Variants in TMEM126B observed in about 807,000 individuals in gnomAD.
TMEM126B encodes the protein transmembrane protein 126B, also known as complex I assembly factor TMEM126B, mitochondrial.
TMEM126B carries 19 observed loss-of-function variants against 16.5 expected under a neutral mutation model. The ratio of observed to expected loss-of-function variants is 1.15; its 90% CI spans 0.80 to 1.69. The LOEUF (loss-of-function observed/expected upper bound fraction) is 1.69. Among genes scored for constraint, TMEM126B ranks in the 40% most tolerant of loss-of-function variants. TMEM126B has a pLI of 0.00. For missense variants in TMEM126B, 293 were observed against 278.7 expected, an observed-to-expected ratio of 1.05 and a Z score of -0.37; for synonymous variants, 104 against 93.2, an observed-to-expected ratio of 1.12 and a Z score of -0.67.
chr11:85,636,102 T>C lies in TMEM126B; in HGVS notation c.566T>C (p.Leu189Pro), dbSNP rs1369382038. ...AGGGTTTTAATCCATTGGATGACGC[T>C]TTGTCAAACACAAATGAAATTAATG... ...KGRVLIHWMT[L>P]CQTQMKLMAI... is the part of the protein sequence containing the mutation. Residue 189 changes from leucine (L) to proline (P), a missense_variant, in exon 5 of 5, where the codon CTT (leucine) becomes CCT (proline). Leu to Pro is a moderately conservative substitution (Grantham distance 98, BLOSUM62 -3). Coordinates refer to ENST00000358867, the MANE Select transcript of TMEM126B (RefSeq NM_018480.7). 1 of 1,610,786 alleles carries C rather than the reference T, an allele frequency of 6.2e-7. No individual in the cohort carries two copies. The highest frequency in any genetic ancestry group is 8.5e-7 in the Non-Finnish European group (1 of 1,179,162).
In TMEM126B at chr11:85,636,376, C is replaced by G; in HGVS notation, c.*147C>G. 1 of 467,612 alleles carries G rather than the reference C, an allele frequency of 2.1e-6. No individual in the cohort carries two copies. The highest frequency in any genetic ancestry group is 3.6e-6 in the Non-Finnish European group (1 of 276,828). The allele number at this position is 467,612 out of a possible 1,614,324, so 29.0% of individuals were successfully genotyped here. A position where few individuals can be genotyped will look rare whatever the true frequency, so the allele number is the denominator to read the frequency against. On this transcript the variant is annotated 3_prime_UTR_variant, in exon 5 of 5. Transcript: ENST00000358867. ...ATATAGCAAATACTCAAAAAGTATT[C>G]AATAATTCAATCAATAAATATAAGT... is the stretch of plus-strand genomic sequence containing the variant.
At chr11:85,632,969 C>T (rs1235111940) in intron 2 of TMEM126B, among the ~76,000 whole-genome samples, 1 of 152,062 alleles carries the variant, frequency 6.6e-6, no homozygotes, top group Non-Finnish European at 1.5e-5. Flanking sequence ...CACCCCACAA[C>T]AGTCCCCAGA....
chr11:85,634,200 A>T lies in TMEM126B; in HGVS notation c.318A>T (p.Thr106=). Reference sequence around the variant, plus strand: ...AGGTTAAACATGATGCTTTGAAGACATATGCATCATTGGCTACACTTCCAT... The same window carrying T: ...AGGTTAAACATGATGCTTTGAAGACTTATGCATCATTGGCTACACTTCCAT... The part of the protein sequence containing the change: ...CFKVKHDALK[T]YASLATLPFL... Residue 106 remains threonine (T), a synonymous_variant, in exon 3 of 5, where the codon ACA becomes ACT. Transcript: ENST00000358867. 6.2e-7 allele frequency: 1 copy of T among 1,613,404 alleles called. No individual in the cohort carries two copies. Among genetic ancestry groups the T allele is most frequent in the South Asian group, 1.1e-5 (1 of 91,062 alleles).
intron 4 of TMEM126B, 133 bp downstream of exon 4, chr11:85,635,911 T>C (rs954090434): frequency 8.8e-7 from 1 of 1,132,258 alleles, no homozygotes; most frequent in African/African-American, 1.6e-5. Flanking sequence ...GTTTGGTATT[T>C]CAGATAGCTA....
chr11:85,633,387 C>A (rs987974446), intron 2 of TMEM126B, among the ~76,000 whole-genome samples: 3 of 152,206 alleles, frequency 2.0e-5, no homozygotes, highest in African/African-American at 7.2e-5. Context: ...CACTGACTTC[C>A]ACAATGGTTG....
intron 2 of TMEM126B, among the ~76,000 whole-genome samples, chr11:85,632,623 C>T (rs970893401): frequency 2.7e-5 from 4 of 146,186 alleles, no homozygotes; most frequent in African/African-American, 1.1e-4. Flanking sequence ...TATTTTATTT[C>T]ATTTTCTGTT....
In TMEM126B at chr11:85,630,862, G is replaced by A. The variant is rs777312893; in HGVS notation, c.82-825G>A. Among the ~76,000 whole-genome samples, 95 of 152,298 alleles carry A rather than the reference G, an allele frequency of 6.2e-4. 2 individuals are homozygous for A. The highest frequency in any genetic ancestry group is 9.3e-4 in the Non-Finnish European group (63 of 68,036). On this transcript the variant is annotated intron_variant, in intron 1 of 4. Transcript: ENST00000358867. ...GTGGATCACCTGAGGTCAGGAGTTCGAGACCAGCCTGGCTATCATAGTGCA... is the reference window on the plus strand; with the variant it reads ...GTGGATCACCTGAGGTCAGGAGTTCAAGACCAGCCTGGCTATCATAGTGCA...
rs867329881 is a variant in TMEM126B at position 85,631,229 on chromosome 11, C to T, written c.82-458C>T. Reference sequence around the variant, plus strand: ...TGTCAATAAGCAGCCACTGTTTCCACCTCCCCACCTGAAGAGCTAGGAGGA... The same window carrying T: ...TGTCAATAAGCAGCCACTGTTTCCATCTCCCCACCTGAAGAGCTAGGAGGA... On this transcript the variant is annotated intron_variant, in intron 1 of 4. Transcript: ENST00000358867. 3.1e-6 allele frequency: 4 copies of T among 1,289,366 alleles called. No individual in the cohort carries two copies. The African/African-American group carries it at 6.0e-5, about 19-fold the overall frequency. 79.9% of individuals were successfully genotyped at this position (1,289,366 alleles called of 1,614,324 possible). A position where few individuals can be genotyped will look rare whatever the true frequency, so the allele number is the denominator to read the frequency against.
At position 85,628,641 on chromosome 11, in the gene TMEM126B, C is replaced by T. The variant is rs2153300533; in HGVS notation, c.34C>T (p.Pro12Ser). 1 of 1,536,150 alleles carries T rather than the reference C, an allele frequency of 6.5e-7. No homozygotes were observed. Among genetic ancestry groups the T allele is most frequent in the African/African-American group, 1.4e-5 (1 of 73,172 alleles). ...VVFGYEAGTK[P>S]RDSGVVPVGT... is the part of the protein sequence containing the mutation. The stretch of plus-strand genomic sequence containing the variant: ...GTTCGGGTATGAGGCTGGGACTAAG[C>T]CAAGGGATTCAGGTGTGGTGCCGGT... The change falls in exon 1 of 5, where the codon CCA (proline) becomes TCA (serine). Residue 12 changes from proline (P) to serine (S), a missense_variant. By Grantham distance (74) the Pro-to-Ser change is moderately conservative (BLOSUM62 -1). Coordinates refer to ENST00000358867, the MANE Select transcript of TMEM126B (RefSeq NM_018480.7).
intron 1 of TMEM126B, chr11:85,629,195 T>C: frequency 1.6e-6 from 2 of 1,287,548 alleles, no homozygotes; most frequent in Non-Finnish European, 2.0e-6. Context: ...GTATCTTGAT[T>C]ACCCGGAGGT....
intron 1 of TMEM126B, chr11:85,629,257 C>A (rs2082193979): frequency 7.8e-7 from 1 of 1,288,198 alleles, no homozygotes; most frequent in Non-Finnish European, 1.0e-6. Flanking sequence ...GAATAAAATT[C>A]TAAAGGTGAA....
intron 3 of TMEM126B, chr11:85,634,997 AG>A (rs1279045084): frequency 2.0e-5 from 3 of 152,224 alleles, no homozygotes; most frequent in African/African-American, 7.2e-5. Flanking sequence ...ACTGGCCAGA[AG>A]GTCAGAGATC....
In TMEM126B at chr11:85,634,173, C is replaced by T; in HGVS notation, c.291C>T (p.Phe97=). ...CAAACTTCCTGTTCAGACGCTGCTTCAAGGTTAAACATGATGCTTTGAAGA... is the reference window on the plus strand; with the variant it reads ...CAAACTTCCTGTTCAGACGCTGCTTTAAGGTTAAACATGATGCTTTGAAGA... ...IFSNFLFRRC[F]KVKHDALKTY... Residue 97 remains phenylalanine (F), a synonymous_variant, in exon 3 of 5, where the codon TTC becomes TTT. Transcript: ENST00000358867. 7 of 1,613,796 alleles carry T rather than the reference C, an allele frequency of 4.3e-6. No homozygotes were observed. Among genetic ancestry groups the T allele is most frequent in the Non-Finnish European group, 5.9e-6 (7 of 1,179,856 alleles).
chr11:85,628,622 G>A lies in TMEM126B; in HGVS notation c.15G>A (p.Gly5=), dbSNP rs369963998. Residue 5 remains glycine (G), a synonymous_variant, in exon 1 of 5, where the codon GGG becomes GGA. Transcript: ENST00000358867. The part of the protein sequence containing the change: MVVF[G]YEAGTKPRDS... The stretch of plus-strand genomic sequence containing the variant: ...GAGCCACCAAAATGGTGGTGTTCGG[G>A]TATGAGGCTGGGACTAAGCCAAGGG... 13 of 1,536,138 alleles carry A rather than the reference G, an allele frequency of 8.5e-6. No individual in the cohort carries two copies. Among genetic ancestry groups the A allele is most frequent in the Non-Finnish European group, 1.1e-5 (13 of 1,146,906 alleles).
At chr11:85,631,265 G>A in intron 1 of TMEM126B, 1 of 1,278,672 alleles carries the variant, frequency 7.8e-7, no homozygotes, top group Non-Finnish European at 1.0e-6. Flanking sequence ...CAACTACAAA[G>A]AGCCTGACTG....
intron 1 of TMEM126B, chr11:85,629,379 G>A (rs1393758543): frequency 5.1e-6 from 3 of 589,572 alleles, no homozygotes; most frequent in African/African-American, 1.9e-5. Context: ...ACTCTTACTG[G>A]TATAAGCGTG....
rs1019496785 is a variant in TMEM126B at position 85,636,325 on chromosome 11, A to C, written c.*96A>C. 23 of 911,992 alleles carry C rather than the reference A, an allele frequency of 2.5e-5. No individual in the cohort carries two copies. The highest frequency in any genetic ancestry group is 3.2e-5 in the Non-Finnish European group (21 of 651,498). 56.5% of individuals were successfully genotyped at this position (911,992 alleles called of 1,614,324 possible). ...GAGTTAAAAGTAACTGTGAACAAAT[A>C]ATTTGTTCTGTGCCTTTTGCCTGGT... On this transcript the variant is annotated 3_prime_UTR_variant, in exon 5 of 5. Transcript: ENST00000358867.
chr11:85,636,134 C>G lies in TMEM126B; in HGVS notation c.598C>G (p.Pro200Ala). Reference sequence around the variant, plus strand: ...AACACAAATGAAATTAATGGCGATTCCTCTAGTCTTTCAGATTATGTTTGG... The same window carrying G: ...AACACAAATGAAATTAATGGCGATTGCTCTAGTCTTTCAGATTATGTTTGG... The part of the protein sequence containing the change: ...CQTQMKLMAI[P>A]LVFQIMFGIL... The change falls in exon 5 of 5, where the codon CCT (proline) becomes GCT (alanine). Residue 200 changes from proline to alanine, a missense_variant. By Grantham distance (27) the Pro-to-Ala change is conservative. Coordinates refer to ENST00000358867, the MANE Select transcript of TMEM126B (RefSeq NM_018480.7). The G allele has an allele frequency of 6.2e-7, 1 of 1,612,442 alleles. No homozygotes were observed. The highest frequency in any genetic ancestry group is 8.5e-7 in the Non-Finnish European group (1 of 1,179,536).
intron 2 of TMEM126B, among the ~76,000 whole-genome samples, chr11:85,633,668 G>C (rs911992684): frequency 2.6e-5 from 4 of 152,166 alleles, no homozygotes; most frequent in African/African-American, 7.2e-5. Flanking sequence ...GAAATAGAAG[G>C]CCTAACCAAA....
Sources: allele counts gnomAD v4.1 joint callset (sites outside exome capture counted in the v4.1 genomes callset), GRCh38; gene constraint gnomAD v4.1.1; transcripts MANE v1.5; gene names NCBI Gene and HGNC (gene_info 2026-07-23, HGNC 2026-07-21).